Variants in MACROD2 observed in about 807,000 individuals in gnomAD.
MACROD2 encodes mono-ADP ribosylhydrolase 2, also known as ADP-ribose glycohydrolase MACROD2.
In MACROD2, 36 loss-of-function variants were observed where a neutral mutation model predicts 70.4. The ratio of observed to expected loss-of-function variants is 0.51; its 90% CI spans 0.39 to 0.68. The LOEUF (loss-of-function observed/expected upper bound fraction) is 0.68, where lower values mean the gene tolerates loss of function less well. MACROD2 is among the 30% of genes least tolerant of loss of function. The pLI is 0.00. For synonymous variants in MACROD2, 172 were observed against 178.8 expected (o/e 0.96, Z 0.30); for missense variants, 496 against 538.4 (o/e 0.92, Z 0.78).
chr20:15,599,669 T>A (rs1331673060), intron 8 of MACROD2, among the ~76,000 whole-genome samples: 1 of 152,234 alleles, frequency 6.6e-6, no homozygotes, highest in Non-Finnish European at 1.5e-5. Flanking sequence ...CTTACAAATG[T>A]CACTACATAG....
chr20:15,067,304 A>G (rs559771641), intron 5 of MACROD2, among the ~76,000 whole-genome samples: 1 of 152,272 alleles, frequency 6.6e-6, no homozygotes, highest in South Asian at 2.1e-4. Context: ...AAAGACTTTA[A>G]AAATAATTGA....
chr20:15,246,271 G>A (rs1234063551), intron 6 of MACROD2, among the ~76,000 whole-genome samples: 1 of 152,152 alleles, frequency 6.6e-6, no homozygotes, highest in African/African-American at 2.4e-5. Flanking sequence ...GTGAGTGTAT[G>A]TGTATGTGTG....
chr20:15,017,990 G>T (rs551455275), intron 5 of MACROD2, among the ~76,000 whole-genome samples: 1 of 152,298 alleles, frequency 6.6e-6, no homozygotes, highest in East Asian at 1.9e-4. Flanking sequence ...CATTTTCCTC[G>T]TGGTCTTGGG....
chr20:15,465,239 A>G (rs757307867), intron 7 of MACROD2, among the ~76,000 whole-genome samples: 5 of 152,260 alleles, frequency 3.3e-5, no homozygotes, highest in Admixed American at 6.5e-5. Context: ...TATTTAAAGT[A>G]TAAATGCTAT....
intron 4 of MACROD2, among the ~76,000 whole-genome samples, chr20:14,503,822 C>T (rs1326502733): frequency 6.6e-6 from 1 of 152,164 alleles, no homozygotes; most frequent in African/African-American, 2.4e-5. Flanking sequence ...CTTTGCAGAA[C>T]AGACCAAAAA....
intron 3 of MACROD2, among the ~76,000 whole-genome samples, chr20:14,293,537 T>G (rs1420514720): frequency 6.6e-6 from 1 of 151,800 alleles, no homozygotes. Flanking sequence ...GATGCTTGGC[T>G]TCATGGAGAA....
At chr20:15,887,503 A>G (rs1268700391) in intron 10 of MACROD2, among the ~76,000 whole-genome samples, 2 of 152,074 alleles carry the variant, frequency 1.3e-5, no homozygotes, top group Non-Finnish European at 2.9e-5. Context: ...CAGCTTTCCA[A>G]AGAAAGTCCT....
intron 8 of MACROD2, among the ~76,000 whole-genome samples, chr20:15,845,603 T>C (rs1261170697): frequency 6.6e-6 from 1 of 151,950 alleles, no homozygotes; most frequent in African/African-American, 2.4e-5. Flanking sequence ...TAGATAAGTG[T>C]ACTAAGAATT....
Position 14,988,092 on chromosome 20 carries a change from G to A in MACROD2, c.419-241848G>A, listed in dbSNP as rs540903922. Among the ~76,000 whole-genome samples the A allele has an allele frequency of 9.9e-5, 15 of 152,092 alleles. No individual in the cohort carries two copies. The South Asian group carries it at 2.9e-3, about 30-fold the overall frequency. On this transcript the variant is annotated intron_variant, in intron 5 of 17. Coordinates refer to ENST00000684519, the MANE Select transcript of MACROD2 (RefSeq NM_001351661.2). ...GTAAGGCTATATACAGGTCAGGCAC[G>A]GTGGCTCATGCCTGTAATCCCAGCA...
intron 5 of MACROD2, among the ~76,000 whole-genome samples, chr20:15,059,223 A>G (rs1016993499): frequency 6.6e-6 from 1 of 152,018 alleles, no homozygotes; most frequent in African/African-American, 2.4e-5. Context: ...TGTCTCTACT[A>G]AAAATACACA....
At chr20:15,226,973 T>C (rs1041454282) in intron 5 of MACROD2, among the ~76,000 whole-genome samples, 1 of 152,168 alleles carries the variant, frequency 6.6e-6, no homozygotes, top group African/African-American at 2.4e-5. Flanking sequence ...GAGTAGTTAC[T>C]CATAAGTACT....
At chr20:14,134,090 C>A (rs1407547386) in intron 3 of MACROD2, among the ~76,000 whole-genome samples, 1 of 152,196 alleles carries the variant, frequency 6.6e-6, no homozygotes, top group Non-Finnish European at 1.5e-5. Context: ...CCTCCCTTTT[C>A]ATAGGTTTGA....
intron 2 of MACROD2, among the ~76,000 whole-genome samples, chr20:14,067,916 T>C (rs2053786587): frequency 6.6e-6 from 1 of 152,214 alleles, no homozygotes. Context: ...GCAAGCTAGT[T>C]GATTGATCTC....
In MACROD2 at chr20:15,784,944, C is replaced by T. The variant is rs564659220; in HGVS notation, c.646-77801C>T. On this transcript the variant is annotated intron_variant, in intron 8 of 17. Coordinates refer to ENST00000684519, the MANE Select transcript of MACROD2 (RefSeq NM_001351661.2). ...TGGGCAGATCACCAGGTCAGGAGAT[C>T]GAGACCATCCTGGCTAACACAGTGA... Among the ~76,000 whole-genome samples, 9 of 151,852 alleles carry T rather than the reference C, an allele frequency of 5.9e-5. No individual in the cohort carries two copies. In the East Asian group the frequency reaches 1.7e-3, roughly 29 times the overall value.
At chr20:15,162,328 A>G (rs2076354406) in intron 5 of MACROD2, among the ~76,000 whole-genome samples, 1 of 152,070 alleles carries the variant, frequency 6.6e-6, no homozygotes, top group Non-Finnish European at 1.5e-5. Flanking sequence ...CATAAGAGAA[A>G]ATGGAAGACT....
At position 14,906,525 on chromosome 20, in the gene MACROD2, C is replaced by T. The variant is rs1306958519; in HGVS notation, c.418+221566C>T. On this transcript the variant is annotated intron_variant, in intron 5 of 17. Coordinates refer to ENST00000684519, the MANE Select transcript of MACROD2 (RefSeq NM_001351661.2). Reference sequence around the variant, plus strand: ...AAAAGAAAAGAAAAAAAAATCAGCACTAGCAATGACCTGGTTTTTACGTAG... The same window carrying T: ...AAAAGAAAAGAAAAAAAAATCAGCATTAGCAATGACCTGGTTTTTACGTAG... Among the ~76,000 whole-genome samples the T allele has an allele frequency of 3.3e-5, 5 of 152,010 alleles. No individual in the cohort carries two copies. In the East Asian group the frequency reaches 7.7e-4, roughly 23 times the overall value.
chr20:14,325,659 A>G, intron 3 of MACROD2: 2 of 1,613,758 alleles, frequency 1.2e-6, no homozygotes, highest in Non-Finnish European at 1.7e-6. Context: ...TTCCATTAGG[A>G]GGAAATATGG....
At chr20:14,078,464 T>C (rs1244978926) in intron 2 of MACROD2, among the ~76,000 whole-genome samples, 4 of 152,070 alleles carry the variant, frequency 2.6e-5, no homozygotes, top group Admixed American at 6.6e-5. Context: ...TGGAGTACAA[T>C]GGCGCGATCT....
At chr20:14,882,876 T>C (rs1340948429) in intron 5 of MACROD2, among the ~76,000 whole-genome samples, 1 of 152,160 alleles carries the variant, frequency 6.6e-6, no homozygotes, top group Non-Finnish European at 1.5e-5. Flanking sequence ...GTAGACCTTA[T>C]GTAACAGATG....
Sources: allele counts gnomAD v4.1 joint callset (sites outside exome capture counted in the v4.1 genomes callset), GRCh38; gene constraint gnomAD v4.1.1; transcripts MANE v1.5; gene names NCBI Gene and HGNC (gene_info 2026-07-23, HGNC 2026-07-21).